Variants in DPP10 observed in about 807,000 individuals in gnomAD.
DPP10 encodes dipeptidyl peptidase like 10.
Under a neutral mutation model 120.9 loss-of-function variants are expected in DPP10, and 33 were observed. The observed-to-expected ratio is 0.27, with a 90% CI of 0.21 to 0.37. The LOEUF is 0.37. DPP10 is among the 10% of genes least tolerant of loss of function. DPP10 has a pLI of 1.00. For missense variants in DPP10, 816 were observed against 942.8 expected (o/e 0.87, Z 1.76); for synonymous variants, 337 against 326.1 (o/e 1.03, Z -0.36).
At chr2:115,228,186 G>A (rs1014776016) in intron 1 of DPP10, among the ~76,000 whole-genome samples, 39 of 151,990 alleles carry the variant, frequency 2.6e-4, no homozygotes, top group African/African-American at 8.9e-4. Context: ...GGCTCAAGTG[G>A]TCTGTGTGTC....
At chr2:115,033,255 G>C (rs953008650) in intron 1 of DPP10, among the ~76,000 whole-genome samples, 13 of 152,134 alleles carry the variant, frequency 8.5e-5, no homozygotes, top group African/African-American at 3.1e-4. Context: ...CACAAACCCT[G>C]TGGTTATAAA....
chr2:115,334,230 G>GTTTTTTTTTTTTTTTTTTGTTTTTTT, intron 2 of DPP10, among the ~76,000 whole-genome samples: 1 of 56,412 alleles, frequency 1.8e-5, no homozygotes. Flanking sequence ...AGCAGACTCT[G>GTTTTTTTTTTTTTTTTTTGTTTTTTT]TTTTTTTTTT....
At chr2:114,579,958 G>A (rs1690366305) in intron 1 of DPP10, among the ~76,000 whole-genome samples, 1 of 152,146 alleles carries the variant, frequency 6.6e-6, no homozygotes, top group Non-Finnish European at 1.5e-5. Flanking sequence ...TTTGTTTTGT[G>A]AAAGCCTTTC....
In DPP10 at chr2:115,833,230, A is replaced by T. The variant is rs565936418; in HGVS notation, c.1951-2927A>T. Among the ~76,000 whole-genome samples the T allele has an allele frequency of 2.6e-5, 4 of 152,282 alleles. No homozygotes were observed. The South Asian group carries it at 8.3e-4, about 32-fold the overall frequency. On this transcript the variant is annotated intron_variant, in intron 21 of 25. Coordinates refer to ENST00000410059, the MANE Select transcript of DPP10 (RefSeq NM_020868.6). ...AACATAAGCTTTTATGGACTGGAAT[A>T]TTCATTATTCTATCAATGTTTTCAG... is the stretch of plus-strand genomic sequence containing the variant.
chr2:115,568,582 T>G (rs2081159404), intron 5 of DPP10, among the ~76,000 whole-genome samples: 1 of 152,114 alleles, frequency 6.6e-6, no homozygotes, highest in Admixed American at 6.5e-5. Flanking sequence ...TAAAGTTCAT[T>G]TTTTGTCTAT....
At chr2:114,796,809 C>A (rs1182913475) in intron 1 of DPP10, among the ~76,000 whole-genome samples, 1 of 152,126 alleles carries the variant, frequency 6.6e-6, no homozygotes, top group Non-Finnish European at 1.5e-5. Flanking sequence ...GCAGTTCAAC[C>A]AATTTGACTT....
intron 3 of DPP10, among the ~76,000 whole-genome samples, chr2:115,453,434 T>C (rs893775321): frequency 6.6e-6 from 1 of 151,568 alleles, no homozygotes; most frequent in Non-Finnish European, 1.5e-5. Context: ...GTGAATATGA[T>C]TTTTCCTTAT....
chr2:115,196,068 T>A (rs2055243899), intron 1 of DPP10, among the ~76,000 whole-genome samples: 1 of 152,242 alleles, frequency 6.6e-6, no homozygotes, highest in Non-Finnish European at 1.5e-5. Flanking sequence ...AGTATACATC[T>A]CATTGAAGTG....
chr2:114,578,130 A>G (rs1191673258), intron 1 of DPP10, among the ~76,000 whole-genome samples: 1 of 152,208 alleles, frequency 6.6e-6, no homozygotes, highest in African/African-American at 2.4e-5. Context: ...TAGATAACAC[A>G]AAGGAAAACC....
chr2:115,635,881 A>G (rs920190912), intron 5 of DPP10, among the ~76,000 whole-genome samples: 11 of 152,360 alleles, frequency 7.2e-5, no homozygotes, highest in African/African-American at 2.4e-4. Flanking sequence ...AATTATCAAT[A>G]CATTCTAAAA....
intron 5 of DPP10, among the ~76,000 whole-genome samples, chr2:115,634,201 G>A (rs1034119245): frequency 3.3e-5 from 5 of 152,078 alleles, no homozygotes; most frequent in East Asian, 3.9e-4. Context: ...GACTACTTCC[G>A]TCAGTTTATC....
intron 1 of DPP10, among the ~76,000 whole-genome samples, chr2:114,696,987 T>C (rs1700105948): frequency 1.3e-5 from 2 of 152,206 alleles, no homozygotes; most frequent in African/African-American, 4.8e-5. Context: ...TGAAATAAAG[T>C]ATGAATCCAG....
At chr2:115,012,488 G>A (rs1702338093) in intron 1 of DPP10, among the ~76,000 whole-genome samples, 1 of 152,224 alleles carries the variant, frequency 6.6e-6, no homozygotes, top group Non-Finnish European at 1.5e-5. Flanking sequence ...TGCAAGACCT[G>A]AAGGTGGATC....
At chr2:114,628,385 G>T (rs911610036) in intron 1 of DPP10, among the ~76,000 whole-genome samples, 1 of 152,134 alleles carries the variant, frequency 6.6e-6, no homozygotes, top group African/African-American at 2.4e-5. Context: ...TTGCTGCTGA[G>T]ATTTAAATGG....
chr2:115,067,211 ATGT>A (rs1706925237), intron 1 of DPP10, among the ~76,000 whole-genome samples: 1 of 151,892 alleles, frequency 6.6e-6, no homozygotes, highest in Non-Finnish European at 1.5e-5. Context: ...ATGGTCATCC[ATGT>A]TGTTGCAAAT....
intron 1 of DPP10, among the ~76,000 whole-genome samples, chr2:114,565,906 A>G (rs186168440): frequency 1.9e-3 from 290 of 151,920 alleles, no homozygotes; most frequent in Non-Finnish European, 3.5e-3. Flanking sequence ...CATTCATTCA[A>G]TGTATATTAT....
intron 5 of DPP10, among the ~76,000 whole-genome samples, chr2:115,537,875 G>C (rs1005331117): frequency 5.3e-5 from 8 of 151,932 alleles, no homozygotes; most frequent in Non-Finnish European, 1.2e-4. Context: ...TACTTTCAAA[G>C]TGGCTCATTC....
intron 1 of DPP10, among the ~76,000 whole-genome samples, chr2:115,072,632 G>GA (rs1707460915): frequency 6.6e-6 from 1 of 152,100 alleles, no homozygotes; most frequent in Non-Finnish European, 1.5e-5. Context: ...CAACCTCAGA[G>GA]AAAATGTGTA....
intron 1 of DPP10, among the ~76,000 whole-genome samples, chr2:115,073,017 A>G (rs995669109): frequency 6.6e-6 from 1 of 152,126 alleles, no homozygotes; most frequent in African/African-American, 2.4e-5. Context: ...TTCTAACCTC[A>G]GGTGATCCAC....
Sources: allele counts gnomAD v4.1 joint callset (sites outside exome capture counted in the v4.1 genomes callset), GRCh38; gene constraint gnomAD v4.1.1; transcripts MANE v1.5; gene names NCBI Gene and HGNC (gene_info 2026-07-23, HGNC 2026-07-21).